The following BICC1 variants were observed in gnomAD, a reference collection of about 807,000 sequenced individuals.
The protein encoded by BICC1 is protein bicaudal C homolog 1.
In BICC1, 43 loss-of-function variants were observed where a neutral mutation model predicts 111.0. That is an observed-to-expected ratio of 0.39 (90% CI 0.30 to 0.50). BICC1 has a LOEUF of 0.50. Among genes scored for constraint, BICC1 ranks in the 20% least tolerant of loss-of-function variants. The pLI is 0.88. For synonymous variants in BICC1, 467 were observed against 434.4 expected, an observed-to-expected ratio of 1.07 and a Z score of -0.93; for missense variants, 1,091 against 1,203.2, an observed-to-expected ratio of 0.91 and a Z score of 1.38.
chr10:58,804,426 G>T (rs1354381471), intron 15 of BICC1, among the ~76,000 whole-genome samples: 12 of 152,140 alleles, frequency 7.9e-5, no homozygotes, highest in Admixed American at 7.9e-4. Flanking sequence ...GCCGAGGTGG[G>T]AGGATCACCT....
intron 1 of BICC1, among the ~76,000 whole-genome samples, chr10:58,601,837 AGGG>A (rs1564507298): frequency 6.6e-6 from 1 of 152,090 alleles, no homozygotes; most frequent in Non-Finnish European, 1.5e-5. Flanking sequence ...GATGGATTCA[AGGG>A]TTGTATCTTG....
chr10:58,558,495 G>A (rs1040160328), intron 1 of BICC1, among the ~76,000 whole-genome samples: 9 of 152,060 alleles, frequency 5.9e-5, no homozygotes, highest in African/African-American at 1.7e-4. Context: ...CCCAGGAATC[G>A]GCATGCTTTG....
At chr10:58,616,195 G>A (rs1017883779) in intron 1 of BICC1, among the ~76,000 whole-genome samples, 2 of 152,170 alleles carry the variant, frequency 1.3e-5, no homozygotes, top group East Asian at 1.9e-4. Flanking sequence ...CTCTGATACC[G>A]AGGAGGCTGT....
intron 3 of BICC1, among the ~76,000 whole-genome samples, chr10:58,772,435 T>G (rs1842644424): frequency 6.6e-6 from 1 of 152,206 alleles, no homozygotes; most frequent in African/African-American, 2.4e-5. Context: ...TCCTATTGAT[T>G]AGCATTCACG....
intron 1 of BICC1, among the ~76,000 whole-genome samples, chr10:58,544,390 A>G (rs934959604): frequency 6.6e-6 from 1 of 152,168 alleles, no homozygotes; most frequent in African/African-American, 2.4e-5. Context: ...GTAGACTGTC[A>G]TGGTTTGGCT....
rs1330168449 is a variant in BICC1 at position 58,708,270 on chromosome 10, G to A, written c.307+6127G>A. On this transcript the variant is annotated intron_variant, in intron 3 of 20. Transcript: ENST00000373886. ...GCCTCCCAAAGTGCTGGGATTACAC[G>A]TGTGAGCCACCATGCCTGGCCAATA... 3.9e-5 allele frequency among the ~76,000 whole-genome samples: 6 copies of A among 152,104 alleles called. No individual in the cohort carries two copies. In the South Asian group the frequency reaches 1.0e-3, roughly 26 times the overall value.
intron 15 of BICC1, among the ~76,000 whole-genome samples, chr10:58,804,877 C>T (rs2132891664): frequency 6.6e-6 from 1 of 152,284 alleles, no homozygotes; most frequent in African/African-American, 2.4e-5. Flanking sequence ...GCCTGATTTC[C>T]TTGGCTGAAA....
rs553105926 is a variant in BICC1, at chr10:58,708,532, C to T, written c.307+6389C>T. On this transcript the variant is annotated intron_variant, in intron 3 of 20. Coordinates refer to ENST00000373886, the MANE Select transcript of BICC1 (RefSeq NM_001080512.3). ...ACAGCTCCCTCTCCTACAAGAGAGA[C>T]TTCCAGCCTGCAGTAGAGTGCACAG... is the stretch of plus-strand genomic sequence containing the variant. Among the ~76,000 whole-genome samples the T allele has an allele frequency of 2.6e-5, 4 of 152,096 alleles. No individual in the cohort carries two copies. The East Asian group carries it at 7.7e-4, about 29-fold the overall frequency.
intron 2 of BICC1, among the ~76,000 whole-genome samples, chr10:58,689,299 T>C (rs781567180): frequency 1.3e-5 from 2 of 152,194 alleles, no homozygotes; most frequent in Non-Finnish European, 2.9e-5. Context: ...GAAAGCTTCA[T>C]TCTCAAAAGC....
chr10:58,718,177 G>A (rs1840808070), intron 3 of BICC1, among the ~76,000 whole-genome samples: 1 of 152,164 alleles, frequency 6.6e-6, no homozygotes, highest in Non-Finnish European at 1.5e-5. Context: ...GTAAACAACA[G>A]AAATTTATTG....
chr10:58,629,939 T>C (rs1837742892), intron 2 of BICC1, among the ~76,000 whole-genome samples: 1 of 152,208 alleles, frequency 6.6e-6, no homozygotes, highest in Non-Finnish European at 1.5e-5. Flanking sequence ...ATTTCTAGGC[T>C]TTGTAGTTTA....
chr10:58,793,096 A>G (rs1424870775), intron 8 of BICC1, among the ~76,000 whole-genome samples: 1 of 152,212 alleles, frequency 6.6e-6, no homozygotes, highest in Admixed American at 6.5e-5. Context: ...TTCAAAATAC[A>G]ATCAAAAGCT....
intron 2 of BICC1, among the ~76,000 whole-genome samples, chr10:58,692,640 A>G (rs1454894700): frequency 6.6e-6 from 1 of 152,210 alleles, no homozygotes; most frequent in Non-Finnish European, 1.5e-5. Context: ...TTAAGTTCGA[A>G]TAGTGCTTTC....
intron 2 of BICC1, among the ~76,000 whole-genome samples, chr10:58,686,983 G>A (rs1327862872): frequency 6.6e-6 from 1 of 152,146 alleles, no homozygotes; most frequent in Non-Finnish European, 1.5e-5. Context: ...TTCTGCTCGG[G>A]TTTCTCCCCA....
intron 3 of BICC1, among the ~76,000 whole-genome samples, chr10:58,721,990 T>A (rs911952700): frequency 1.3e-5 from 2 of 152,234 alleles, no homozygotes; most frequent in African/African-American, 4.8e-5. Context: ...ATATAGTTGT[T>A]AAGTATGCTC....
chr10:58,658,827 T>C (rs1838747182), intron 2 of BICC1, among the ~76,000 whole-genome samples: 1 of 152,120 alleles, frequency 6.6e-6, no homozygotes, highest in Non-Finnish European at 1.5e-5. Context: ...TTCCAGGTTT[T>C]TTCTTGTACT....
chr10:58,650,737 G>A (rs1193824239), intron 2 of BICC1: 1 of 152,098 alleles, frequency 6.6e-6, no homozygotes, highest in Non-Finnish European at 1.5e-5. Context: ...CATTTATTAT[G>A]TGCAGCACAC....
At chr10:58,768,685 A>G (rs1055163339) in intron 3 of BICC1, among the ~76,000 whole-genome samples, 2 of 71,982 alleles carry the variant, frequency 2.8e-5, no homozygotes, top group Admixed American at 2.1e-4. Flanking sequence ...AAAGTAAATC[A>G]TAACATCAAA....
intron 3 of BICC1, among the ~76,000 whole-genome samples, chr10:58,766,993 A>G (rs796906600): frequency 2.0e-5 from 3 of 152,078 alleles, no homozygotes; most frequent in South Asian, 2.1e-4. Context: ...TTAGAATTCA[A>G]CAGCTGTTTG....
Sources: allele counts gnomAD v4.1 joint callset (sites outside exome capture counted in the v4.1 genomes callset), GRCh38; gene constraint gnomAD v4.1.1; transcripts MANE v1.5; gene names NCBI Gene and HGNC (gene_info 2026-07-23, HGNC 2026-07-21).